The following MAMLD1 variants were observed in gnomAD, a reference collection of about 807,000 sequenced individuals.
MAMLD1 encodes the protein mastermind like domain containing 1.
A neutral mutation model predicts 45.0 loss-of-function variants in MAMLD1; 14 were observed. The ratio of observed to expected loss-of-function variants is 0.31; its 90% CI spans 0.21 to 0.49. MAMLD1 has a LOEUF of 0.49. Ranked by LOEUF, MAMLD1 falls within the 20% of genes least tolerant of loss-of-function variation. MAMLD1 has a pLI of 0.99. For synonymous variants in MAMLD1, 254 were observed against 247.8 expected, an observed-to-expected ratio of 1.02 and a Z score of -0.24; for missense variants, 543 against 603.6, an observed-to-expected ratio of 0.90 and a Z score of 1.05.
intron 1 of MAMLD1, among the ~76,000 whole-genome samples, chrX:150,373,164 C>G (rs1034030648): frequency 8.9e-6 from 1 of 111,785 alleles, no homozygotes; most frequent in African/African-American, 3.3e-5. Context: ...CCTGCCTGCT[C>G]TTCCTGGGCG....
intron 1 of MAMLD1, among the ~76,000 whole-genome samples, chrX:150,442,231 C>T (rs191608461): frequency 1.8e-5 from 2 of 111,452 alleles, no homozygotes; most frequent in East Asian, 5.6e-4. Context: ...ATGTTATCTT[C>T]TTTGCCAATC....
chrX:150,393,532 G>T (rs782215838), intron 1 of MAMLD1, among the ~76,000 whole-genome samples: 3 of 112,276 alleles, frequency 2.7e-5, no homozygotes, highest in Non-Finnish European at 5.6e-5. Flanking sequence ...TGTTTTCCAA[G>T]TGTCTGTACC....
In MAMLD1 at chrX:150,470,144, C is replaced by G. The variant is rs782662210; in HGVS notation, c.571C>G (p.Pro191Ala). ...GCTCACCAAAATTCAAGACCCTTCT[C>G]CAAATGAGCTAGATCTTGAGAAGAT... ...EELTKIQDPS[P>A]NELDLEKILG... is the part of the protein sequence containing the mutation. The change falls in exon 4 of 8, where the codon CCA becomes GCA. Residue 191 changes from proline to alanine, a missense_variant. Physicochemically the swap from Pro to Ala is conservative, Grantham distance 27. Coordinates refer to ENST00000370401, the MANE Select transcript of MAMLD1 (RefSeq NM_005491.5). The G allele has an allele frequency of 5.8e-6, 7 of 1,211,770 alleles. No homozygotes were observed. The highest frequency in any genetic ancestry group is 7.8e-6 in the Non-Finnish European group (7 of 895,522).
At chrX:150,392,434 C>G (rs1294418282) in intron 1 of MAMLD1, among the ~76,000 whole-genome samples, 1 of 111,007 alleles carries the variant, frequency 9.0e-6, no homozygotes, top group Non-Finnish European at 1.9e-5. Context: ...AGCCCCATCT[C>G]GTACCACCTC....
intron 5 of MAMLD1, among the ~76,000 whole-genome samples, chrX:150,475,758 A>T (rs2266834): frequency 0.33 from 36,466 of 110,616 alleles, 4,607 homozygotes; most frequent in East Asian, 0.72. Flanking sequence ...TCCCCTTCAC[A>T]TAGGGCATTG....
intron 1 of MAMLD1, among the ~76,000 whole-genome samples, chrX:150,391,888 T>C (rs1414080793): frequency 8.9e-6 from 1 of 111,935 alleles, no homozygotes; most frequent in East Asian, 2.8e-4. Flanking sequence ...CAGGTGGACA[T>C]ATTGTTCATT....
intron 1 of MAMLD1, among the ~76,000 whole-genome samples, chrX:150,363,921 A>G (rs1196318648): frequency 8.8e-6 from 1 of 113,133 alleles, no homozygotes; most frequent in African/African-American, 3.2e-5. Context: ...CCTGGGTGTC[A>G]CCGGCGACGG....
chrX:150,447,004 C>T (rs1431852563), intron 2 of MAMLD1, among the ~76,000 whole-genome samples: 2 of 112,347 alleles, frequency 1.8e-5, no homozygotes, highest in African/African-American at 6.5e-5. Flanking sequence ...CATCAACACT[C>T]TTAAAAAGTG....
At chrX:150,445,121 G>A (rs2035444501) in intron 1 of MAMLD1, among the ~76,000 whole-genome samples, 1 of 112,265 alleles carries the variant, frequency 8.9e-6, no homozygotes, top group African/African-American at 3.2e-5. Context: ...TCACACAAAA[G>A]CAAATCCAGA....
In MAMLD1 at chrX:150,512,666, A is replaced by G. The variant is rs1364558111; in HGVS notation, c.*707A>G. Reference sequence around the variant, plus strand: ...ACAGGGCCCGGTGCCTGTAGCAAACACCACCAAGTTCCTCCAGCAGGGTAT... The same window carrying G: ...ACAGGGCCCGGTGCCTGTAGCAAACGCCACCAAGTTCCTCCAGCAGGGTAT... On this transcript the variant is annotated 3_prime_UTR_variant, in exon 8 of 8. Transcript: ENST00000370401. The G allele has an allele frequency of 2.7e-5, 31 of 1,148,010 alleles. 1 individual carries two copies. The highest frequency in any genetic ancestry group is 3.3e-5 in the Non-Finnish European group (29 of 868,647). The allele number at this position is 1,148,010 out of a possible 1,213,427, so 94.6% of individuals were successfully genotyped here. A position where few individuals can be genotyped will look rare whatever the true frequency, so the allele number is the denominator to read the frequency against.
intron 2 of MAMLD1, among the ~76,000 whole-genome samples, chrX:150,448,493 AGGG>A (rs2035561562): frequency 8.9e-6 from 1 of 112,462 alleles, no homozygotes; most frequent in Non-Finnish European, 1.9e-5. Flanking sequence ...CATATCAGGC[AGGG>A]GCCATCACCA....
At chrX:150,498,732 G>C (rs2037462337) in intron 5 of MAMLD1, among the ~76,000 whole-genome samples, 1 of 112,292 alleles carries the variant, frequency 8.9e-6, no homozygotes, top group Admixed American at 9.4e-5. Flanking sequence ...CTGTTGGATG[G>C]TGATGCTTAC....
chrX:150,413,147 T>A, intron 1 of MAMLD1, among the ~76,000 whole-genome samples: 1 of 111,823 alleles, frequency 8.9e-6, no homozygotes, highest in South Asian at 3.8e-4. Flanking sequence ...GTATCTGTAT[T>A]TCTTGTTACT....
intron 1 of MAMLD1, among the ~76,000 whole-genome samples, chrX:150,407,695 A>G (rs1425375208): frequency 2.7e-5 from 3 of 112,076 alleles, no homozygotes; most frequent in Non-Finnish European, 5.6e-5. Context: ...CCCACTTACA[A>G]GCTGTGTGAC....
At chrX:150,368,441 T>A (rs12396441) in intron 1 of MAMLD1, among the ~76,000 whole-genome samples, 1,587 of 110,249 alleles carry the variant, frequency 0.014, 25 homozygotes, top group African/African-American at 0.048. Flanking sequence ...GTTTGAGTTC[T>A]TTGTAGATTC....
intron 1 of MAMLD1, among the ~76,000 whole-genome samples, chrX:150,370,182 G>A (rs2031855010): frequency 9.1e-6 from 1 of 109,601 alleles, no homozygotes; most frequent in Non-Finnish European, 1.9e-5. Context: ...CTATGGATCA[G>A]CACAATAAAC....
At chrX:150,427,831 T>G (rs1272673452) in intron 1 of MAMLD1, among the ~76,000 whole-genome samples, 1 of 111,430 alleles carries the variant, frequency 9.0e-6, no homozygotes. Flanking sequence ...ATTTCAGCCT[T>G]TTGGGGTTGC....
chrX:150,481,908 G>A (rs1222525408), intron 5 of MAMLD1, among the ~76,000 whole-genome samples: 1 of 100,058 alleles, frequency 1.0e-5, no homozygotes, highest in Non-Finnish European at 2.0e-5. Context: ...AAGAAAGAGA[G>A]ACAGAGACAG....
rs145832495 is a variant in MAMLD1 at position 150,451,592 on chromosome X, A to T, written c.96+5980A>T. On this transcript the variant is annotated intron_variant, in intron 2 of 7. Coordinates refer to ENST00000370401, the MANE Select transcript of MAMLD1 (RefSeq NM_005491.5). ...TTCCAGACTTCTGGGGAGGAGGGAC[A>T]TGAGCTTCTAAGATTTGGGCAACAA... 8.8e-3 allele frequency among the ~76,000 whole-genome samples: 980 copies of T among 111,825 alleles called. 9 individuals carry two copies. Among genetic ancestry groups the T allele is most frequent in the African/African-American group, 0.031 (940 of 30,743 alleles).
Sources: gnomAD v4.1 joint callset for allele counts (sites outside exome capture counted in the v4.1 genomes callset) on GRCh38, gnomAD v4.1.1 for gene constraint, MANE v1.5 for transcripts, NCBI Gene and HGNC (gene_info 2026-07-23, HGNC 2026-07-21) for gene names.